Variants in ADAMTSL1 observed in about 807,000 individuals in gnomAD.
ADAMTSL1 encodes ADAMTS-like protein 1.
A neutral mutation model predicts 201.8 loss-of-function variants in ADAMTSL1; 126 were observed. The ratio of observed to expected loss-of-function variants is 0.62; its 90% CI spans 0.54 to 0.72. The LOEUF is 0.72. Ranked by LOEUF, ADAMTSL1 falls within the 30% of genes least tolerant of loss-of-function variation. The pLI is 0.00. For synonymous variants in ADAMTSL1, 1,121 were observed against 903.4 expected, an observed-to-expected ratio of 1.24 and a Z score of -4.32; for missense variants, 2,679 against 2,277.8, an observed-to-expected ratio of 1.18 and a Z score of -3.59.
chr9:18,004,797 A>C (rs1321458168), intron 1 of ADAMTSL1, among the ~76,000 whole-genome samples: 1 of 152,062 alleles, frequency 6.6e-6, no homozygotes, highest in Non-Finnish European at 1.5e-5. Context: ...AAGAAGGAGC[A>C]TTAAGACAGC....
At chr9:17,916,752 A>G (rs1249903474) in intron 1 of ADAMTSL1, among the ~76,000 whole-genome samples, 1 of 152,208 alleles carries the variant, frequency 6.6e-6, no homozygotes, top group Non-Finnish European at 1.5e-5. Flanking sequence ...TTTGTTCTTC[A>G]TATTTCAAGG....
chr9:18,783,927 T>C (rs550363557), intron 19 of ADAMTSL1, among the ~76,000 whole-genome samples: 1 of 152,246 alleles, frequency 6.6e-6, no homozygotes, highest in Non-Finnish European at 1.5e-5. Flanking sequence ...CTAGCAAACC[T>C]GTCCATGCTG....
intron 1 of ADAMTSL1, among the ~76,000 whole-genome samples, chr9:17,982,361 T>C (rs568684605): frequency 6.6e-6 from 1 of 152,284 alleles, no homozygotes; most frequent in African/African-American, 2.4e-5. Context: ...ACGTCTGTAA[T>C]CCCAGCACTT....
chr9:18,782,747 G>A (rs1588102058), intron 19 of ADAMTSL1, among the ~76,000 whole-genome samples: 1 of 152,322 alleles, frequency 6.6e-6, no homozygotes, highest in South Asian at 2.1e-4. Context: ...CATAAGCCAA[G>A]ATCTATCTGA....
At chr9:18,349,953 A>AT (rs1835892100) in intron 2 of ADAMTSL1, among the ~76,000 whole-genome samples, 1 of 151,638 alleles carries the variant, frequency 6.6e-6, no homozygotes, top group Non-Finnish European at 1.5e-5. Flanking sequence ...CCAACCTAGT[A>AT]TTTTTCTTTG....
chr9:18,820,037 T>C (rs972277038), intron 21 of ADAMTSL1, among the ~76,000 whole-genome samples: 15 of 152,220 alleles, frequency 9.9e-5, no homozygotes, highest in African/African-American at 3.6e-4. Flanking sequence ...GACCTCCTGA[T>C]TGGTTAGGTG....
intron 1 of ADAMTSL1, chr9:18,163,768 A>C (rs530849089): frequency 1.4e-5 from 2 of 141,824 alleles, no homozygotes; most frequent in East Asian, 4.5e-4. Flanking sequence ...ATCAGCCTTG[A>C]AATGAATCCA....
At position 18,743,229 on chromosome 9, in the gene ADAMTSL1, T is replaced by C. The variant is rs551505738; in HGVS notation, c.2007-10069T>C. Among the ~76,000 whole-genome samples the C allele has an allele frequency of 1.5e-4, 23 of 152,280 alleles. 2 individuals are homozygous for C. In the South Asian group the frequency reaches 4.8e-3, roughly 32 times the overall value. On this transcript the variant is annotated intron_variant, in intron 15 of 28. Coordinates refer to ENST00000380548, the MANE Select transcript of ADAMTSL1 (RefSeq NM_001040272.6). ...AGTATTTTTGGACAGTGGGATGTCA[T>C]AGAAAAGTGTGTTAGAGTGAGGGAA...
At chr9:18,341,195 T>C (rs1346051457) in intron 2 of ADAMTSL1, among the ~76,000 whole-genome samples, 1 of 152,174 alleles carries the variant, frequency 6.6e-6, no homozygotes, top group East Asian at 1.9e-4. Context: ...TTTGCAAGGC[T>C]CCTCACAAGC....
Position 18,905,511 on chromosome 9 carries a change from C to T in ADAMTSL1, c.4852-271C>T, listed in dbSNP as rs574362686. ...CCAAAATATCTTTCATATGATTAAT[C>T]TGAGAGGAGCTTGACGTTCTCTTAC... On this transcript the variant is annotated intron_variant, in intron 26 of 28. Coordinates refer to ENST00000380548, the MANE Select transcript of ADAMTSL1 (RefSeq NM_001040272.6). 4 of 455,254 alleles carry T rather than the reference C, an allele frequency of 8.8e-6. No homozygotes were observed. In the East Asian group the frequency reaches 1.6e-4, roughly 18 times the overall value. The allele number at this position is 455,254 out of a possible 1,614,324, so 28.2% of individuals were successfully genotyped here.
intron 2 of ADAMTSL1, among the ~76,000 whole-genome samples, chr9:18,518,111 C>G (rs1454615033): frequency 6.6e-6 from 1 of 152,092 alleles, no homozygotes; most frequent in African/African-American, 2.4e-5. Flanking sequence ...ACCAAACAGA[C>G]TGCAAGGGAA....
intron 2 of ADAMTSL1, among the ~76,000 whole-genome samples, chr9:18,333,391 C>T (rs1408657390): frequency 6.6e-6 from 1 of 152,150 alleles, no homozygotes; most frequent in Non-Finnish European, 1.5e-5. Context: ...CTCTCTCCTG[C>T]CTCCTGTGAA....
chr9:18,530,374 A>G (rs1459725832), intron 2 of ADAMTSL1, among the ~76,000 whole-genome samples: 1 of 152,184 alleles, frequency 6.6e-6, no homozygotes. Flanking sequence ...AACATATACT[A>G]TTAAAGTCCC....
intron 2 of ADAMTSL1, among the ~76,000 whole-genome samples, chr9:18,510,515 C>A (rs1429667164): frequency 6.6e-6 from 1 of 152,096 alleles, no homozygotes; most frequent in Non-Finnish European, 1.5e-5. Flanking sequence ...TCTCCCCTAC[C>A]CTTTTTCTGA....
At chr9:18,692,363 T>C (rs1831281573) in intron 13 of ADAMTSL1, among the ~76,000 whole-genome samples, 1 of 152,214 alleles carries the variant, frequency 6.6e-6, no homozygotes, top group Admixed American at 6.5e-5. Flanking sequence ...AGCCGTTTTT[T>C]TGTAGTCATT....
chr9:18,317,395 CA>C (rs1181763866), intron 2 of ADAMTSL1, among the ~76,000 whole-genome samples: 10 of 64,802 alleles, frequency 1.5e-4, no homozygotes, highest in African/African-American at 4.8e-4. Flanking sequence ...GTGTCCTCAA[CA>C]CACACACACA....
chr9:18,488,193 C>G (rs554171920), intron 1 of ADAMTSL1, among the ~76,000 whole-genome samples: 31 of 152,298 alleles, frequency 2.0e-4, no homozygotes, highest in African/African-American at 7.0e-4. Flanking sequence ...TCTCCCCAAT[C>G]TGAGGGCCTG....
intron 2 of ADAMTSL1, among the ~76,000 whole-genome samples, chr9:18,398,811 C>T (rs571988346): frequency 1.1e-4 from 17 of 152,076 alleles, no homozygotes; most frequent in Non-Finnish European, 2.4e-4. Flanking sequence ...ATCAAATTCC[C>T]TCCATCAATA....
At chr9:18,005,119 A>AAGAGC (rs1819759374) in intron 1 of ADAMTSL1, among the ~76,000 whole-genome samples, 1 of 152,106 alleles carries the variant, frequency 6.6e-6, no homozygotes, top group Non-Finnish European at 1.5e-5. Context: ...GCGAAGATTC[A>AAGAGC]AGAGCACATA....
Sources: gnomAD v4.1 joint callset for allele counts (sites outside exome capture counted in the v4.1 genomes callset) on GRCh38, gnomAD v4.1.1 for gene constraint, MANE v1.5 for transcripts, NCBI Gene and HGNC (gene_info 2026-07-23, HGNC 2026-07-21) for gene names.